Variants in ZFHX3 observed in about 807,000 individuals in gnomAD.
ZFHX3 encodes the protein zinc finger homeobox 3.
A neutral mutation model predicts 279.1 loss-of-function variants in ZFHX3; 42 were observed. The ratio of observed to expected loss-of-function variants is 0.15; its 90% CI spans 0.12 to 0.19. ZFHX3 has a LOEUF of 0.19. ZFHX3 is among the 10% of genes least tolerant of loss of function. The pLI, the probability that ZFHX3 is intolerant of heterozygous loss-of-function variation, is 1.00. For missense variants in ZFHX3, 4,981 were observed against 4,754.0 expected (o/e 1.05, Z -1.40); for synonymous variants, 2,293 against 1,957.8 (o/e 1.17, Z -4.52).
At chr16:73,047,501 C>T (rs1965340432) in intron 1 of ZFHX3, among the ~76,000 whole-genome samples, 1 of 152,050 alleles carries the variant, frequency 6.6e-6, no homozygotes, top group East Asian at 1.9e-4. Flanking sequence ...CAAAAGCAGA[C>T]TCAGGAAAGG....
At chr16:73,026,534 G>A (rs1326186348) in intron 1 of ZFHX3, among the ~76,000 whole-genome samples, 3 of 151,964 alleles carry the variant, frequency 2.0e-5, no homozygotes, top group Non-Finnish European at 4.4e-5. Flanking sequence ...AGCTAGGCAT[G>A]GTGGCAGGCA....
chr16:73,029,766 A>G (rs1481682198), intron 1 of ZFHX3, among the ~76,000 whole-genome samples: 1 of 152,184 alleles, frequency 6.6e-6, no homozygotes, highest in Non-Finnish European at 1.5e-5. Context: ...TCATTACTCA[A>G]CTTCATGCCA....
intron 2 of ZFHX3, among the ~76,000 whole-genome samples, chr16:73,510,810 C>T (rs2019415517): frequency 6.6e-6 from 1 of 152,232 alleles, no homozygotes; most frequent in African/African-American, 2.4e-5. Context: ...CTCTGGCCAA[C>T]TTCTCCCTAA....
intron 9 of ZFHX3, chr16:72,790,622 C>T (rs532857158): frequency 2.0e-5 from 3 of 152,346 alleles, no homozygotes; most frequent in African/African-American, 7.2e-5. Context: ...GAGAAAGGTT[C>T]CTTCAGCATC....
intron 3 of ZFHX3, among the ~76,000 whole-genome samples, chr16:73,372,543 AT>A (rs2143343001): frequency 6.6e-6 from 1 of 152,368 alleles, no homozygotes; most frequent in African/African-American, 2.4e-5. Context: ...GTCAAAGTTA[AT>A]TCAAAGGTTT....
chr16:73,633,823 G>A (rs373805899), intron 2 of ZFHX3, among the ~76,000 whole-genome samples: 14 of 151,974 alleles, frequency 9.2e-5, no homozygotes, highest in East Asian at 1.9e-4. Context: ...GCTTGAACCC[G>A]GGAGGCGGAG....
At chr16:73,030,056 A>T (rs1964640367) in intron 1 of ZFHX3, among the ~76,000 whole-genome samples, 1 of 152,176 alleles carries the variant, frequency 6.6e-6, no homozygotes. Context: ...ATCTAATCCA[A>T]ACACCCATTC....
intron 4 of ZFHX3, among the ~76,000 whole-genome samples, chr16:72,855,963 G>A (rs1384631544): frequency 2.0e-5 from 3 of 152,200 alleles, no homozygotes; most frequent in East Asian, 1.9e-4. Context: ...AAGAAAGGCC[G>A]TGTATGAGAA....
chr16:72,929,694 A>T (rs76898249), intron 3 of ZFHX3, among the ~76,000 whole-genome samples: 5,986 of 152,262 alleles, frequency 0.039, 286 homozygotes, highest in African/African-American at 0.099. Flanking sequence ...GGCTGTACAT[A>T]AACAGTAACA....
intron 2 of ZFHX3, among the ~76,000 whole-genome samples, chr16:73,493,871 C>T (rs1211354858): frequency 6.6e-6 from 1 of 152,126 alleles, no homozygotes; most frequent in Middle Eastern, 3.2e-3. Context: ...TGTCCCCAGA[C>T]CTCAGAGCTG....
intron 4 of ZFHX3, among the ~76,000 whole-genome samples, chr16:72,848,306 TGCA>T (rs2037528121): frequency 6.6e-6 from 1 of 152,186 alleles, no homozygotes. Context: ...GTGCTCCCTC[TGCA>T]GCCTATTCAC....
chr16:73,817,865 C>T (rs74028498), intron 1 of ZFHX3, among the ~76,000 whole-genome samples: 2 of 152,180 alleles, frequency 1.3e-5, no homozygotes, highest in Non-Finnish European at 2.9e-5. Context: ...TGGAGCCCAG[C>T]ACCTATTTAT....
intron 1 of ZFHX3, among the ~76,000 whole-genome samples, chr16:72,988,530 C>CTGCT (rs1240391573): frequency 3.9e-5 from 6 of 152,240 alleles, no homozygotes; most frequent in Non-Finnish European, 8.8e-5. Flanking sequence ...TCCCTCTGCA[C>CTGCT]TGCTCTAAAT....
chr16:73,175,803 C>T (rs991360098), intron 5 of ZFHX3, among the ~76,000 whole-genome samples: 8 of 152,160 alleles, frequency 5.3e-5, no homozygotes, highest in South Asian at 2.1e-4. Context: ...ACATTCCCAA[C>T]GCTTGAACCC....
chr16:73,649,205 T>C (rs1199631074), intron 2 of ZFHX3, among the ~76,000 whole-genome samples: 1 of 152,092 alleles, frequency 6.6e-6, no homozygotes, highest in African/African-American at 2.4e-5. Flanking sequence ...TACTGCATAA[T>C]ATTAGAAAAT....
chr16:73,779,415 G>T (rs1246186184), intron 1 of ZFHX3, among the ~76,000 whole-genome samples: 1 of 109,888 alleles, frequency 9.1e-6, no homozygotes, highest in Non-Finnish European at 1.8e-5. Context: ...AGGAGGTGGT[G>T]GTGTTTCATT....
intron 5 of ZFHX3, among the ~76,000 whole-genome samples, chr16:73,185,704 G>A (rs568972884): frequency 6.6e-6 from 1 of 152,264 alleles, no homozygotes; most frequent in South Asian, 2.1e-4. Context: ...AGGACAATTT[G>A]GGCATTTTGA....
chr16:73,366,730 G>T (rs1198349668), intron 3 of ZFHX3, among the ~76,000 whole-genome samples: 2 of 152,128 alleles, frequency 1.3e-5, no homozygotes, highest in Non-Finnish European at 2.9e-5. Flanking sequence ...GTGTGTGTGT[G>T]TGCGTGCACA....
In ZFHX3 at chr16:73,591,679, C is replaced by A. The variant is rs569686814; in HGVS notation, c.-1547+88501G>T. Among the ~76,000 whole-genome samples the A allele has an allele frequency of 2.6e-3, 249 of 97,386 alleles. 2 individuals carry two copies. The highest frequency in any genetic ancestry group is 9.0e-3 in the African/African-American group (224 of 24,756). The allele number at this position is 97,386 out of a possible 152,430, so 63.9% of individuals were successfully genotyped here. A position where few individuals can be genotyped will look rare whatever the true frequency, so the allele number is the denominator to read the frequency against. On this transcript the variant is annotated intron_variant, in intron 2 of 17. Coordinates refer to the ZFHX3 transcript ENST00000641206. ...CTGCACTCCAGCCTGGGCGACAGAG[C>A]GAGACTCTGTCTCAAAAAAAAAAAA... is the stretch of plus-strand genomic sequence containing the variant.
Sources: allele counts gnomAD v4.1 joint callset (sites outside exome capture counted in the v4.1 genomes callset), GRCh38; gene constraint gnomAD v4.1.1; transcripts MANE v1.5; gene names NCBI Gene and HGNC (gene_info 2026-07-23, HGNC 2026-07-21).